The following ZNF783 variants were observed in gnomAD, a reference collection of about 807,000 sequenced individuals.
ZNF783 encodes zinc finger protein 783, also known as protein ZNF783.
Under a neutral mutation model 31.3 loss-of-function variants are expected in ZNF783, and 25 were observed. The observed-to-expected ratio is 0.80, with a 90% CI of 0.58 to 1.11. The LOEUF (loss-of-function observed/expected upper bound fraction) is 1.11, where lower values mean the gene tolerates loss of function less well. ZNF783 is among the 50% of genes most tolerant of loss of function. The pLI is 0.00. For missense variants in ZNF783, 797 were observed against 760.0 expected, an observed-to-expected ratio of 1.05 and a Z score of -0.57; for synonymous variants, 369 against 319.1, an observed-to-expected ratio of 1.16 and a Z score of -1.66.
intron 5 of ZNF783, among the ~76,000 whole-genome samples, 175 bp from the exon 6 acceptor site, chr7:149,281,330 C>A (rs949905225): frequency 2.0e-5 from 3 of 152,342 alleles, no homozygotes; most frequent in African/African-American, 7.2e-5. Flanking sequence ...GACTGAGTGA[C>A]CGTGCAAGGC....
In ZNF783 at chr7:149,282,177, G is replaced by A. The variant is rs377559200; in HGVS notation, c.1475G>A (p.Arg492Gln). ...FRHQRIHTGE[R>Q]PYQCPQCGRT... is the part of the protein sequence containing the mutation. ...CACCAGCGCATCCACACCGGTGAGC[G>A]GCCCTACCAGTGCCCCCAGTGTGGC... The change falls in exon 6 of 6, where the codon CGG becomes CAG. Residue 492 changes from arginine to glutamine, a missense_variant. Physicochemically the swap from Arg to Gln is conservative, Grantham distance 43. Transcript: ENST00000434415. 3 of 1,600,990 alleles carry A rather than the reference G, an allele frequency of 1.9e-6. No homozygotes were observed. The highest frequency in any genetic ancestry group is 1.3e-5 in the African/African-American group (1 of 75,036).
chr7:149,265,813 G>A (rs993102717), intron 1 of ZNF783, among the ~76,000 whole-genome samples: 22 of 152,170 alleles, frequency 1.4e-4, no homozygotes, highest in African/African-American at 5.1e-4. Context: ...TATTGTATAG[G>A]TACTATTATT....
chr7:149,280,546 CT>C (rs1797442124), intron 5 of ZNF783, among the ~76,000 whole-genome samples: 1 of 152,194 alleles, frequency 6.6e-6, no homozygotes, highest in African/African-American at 2.4e-5. Flanking sequence ...CCTTCCTGGT[CT>C]TTCCCCATCG....
chr7:149,272,108 C>T (rs375939298), intron 4 of ZNF783, among the ~76,000 whole-genome samples: 1 of 152,102 alleles, frequency 6.6e-6, no homozygotes, highest in Admixed American at 6.6e-5. Flanking sequence ...ATCCCTGACT[C>T]CTGGGTTCAA....
At chr7:149,270,753 C>G (rs964346653) in intron 4 of ZNF783, among the ~76,000 whole-genome samples, 6 of 152,098 alleles carry the variant, frequency 3.9e-5, no homozygotes, top group African/African-American at 1.4e-4. Flanking sequence ...GCTTCCTGCT[C>G]CAGACCTGGA....
Position 149,282,597 on chromosome 7 carries a change from T to A in ZNF783, c.*254T>A. 2.2e-6 allele frequency: 1 copy of A among 457,094 alleles called. No homozygotes were observed. Among genetic ancestry groups the A allele is most frequent in the East Asian group, 3.6e-5 (1 of 27,454 alleles). 28.3% of individuals were successfully genotyped at this position (457,094 alleles called of 1,614,324 possible). ...GGGATGCCATATTTTTGATAAGGCC[T>A]CTGGTAGGTACCACAGCCAAGAGGA... On this transcript the variant is annotated 3_prime_UTR_variant, in exon 6 of 6. Transcript: ENST00000434415.
At chr7:149,274,862 G>T (rs1351937508) in intron 4 of ZNF783, among the ~76,000 whole-genome samples, 2 of 152,104 alleles carry the variant, frequency 1.3e-5, no homozygotes, top group Non-Finnish European at 2.9e-5. Flanking sequence ...TTTTGCTTAG[G>T]ATGCCTTTGG....
Position 149,281,634 on chromosome 7 carries a change from GC to G in ZNF783, c.936del (p.Ser313AlafsTer48). On this transcript the variant is annotated frameshift_variant, in exon 6 of 6. Coordinates refer to ENST00000434415, the MANE Select transcript of ZNF783 (RefSeq NM_001195220.2). LOFTEE classifies it low-confidence loss of function (END_TRUNC). ...CGAGGGCCCAGGAACAGGCCTGGGG[GC>G]CCCAGCCGTCATCAGGCCCAGGGCA... ...IPRGPRNRPGGPSRHQAQGMP... is the reference protein window; with the variant it reads ...IPRGPRNRPGXPSRHQAQGMP... The G allele has an allele frequency of 2.6e-6, 4 of 1,543,726 alleles. No homozygotes were observed. Among genetic ancestry groups the G allele is most frequent in the Admixed American group, 2.0e-5 (1 of 50,076 alleles).
rs978579530 is a variant in ZNF783, at chr7:149,284,149, G to C, written c.*1806G>C. ...ACGCTGTCTGTAGAGCAGCCTTGGT[G>C]TGGGTGACTCTGAAGCTGGAGTGAT... On this transcript the variant is annotated 3_prime_UTR_variant, in exon 6 of 6. Transcript: ENST00000434415. 9.2e-5 allele frequency: 14 copies of C among 152,240 alleles called. No individual in the cohort carries two copies. Among genetic ancestry groups the C allele is most frequent in the Admixed American group, 8.5e-4 (13 of 15,278 alleles). The allele number at this position is 152,240 out of a possible 1,614,324, so 9.4% of individuals were successfully genotyped here.
Position 149,262,230 on chromosome 7 carries a change from C to G in ZNF783, c.-104C>G. On this transcript the variant is annotated 5_prime_UTR_variant, in exon 1 of 6. Coordinates refer to ENST00000434415, the MANE Select transcript of ZNF783 (RefSeq NM_001195220.2). ...TTCGCTGCCGCCCGGCAGTAGCTCT[C>G]AGGTTAGGCGGGTCCCGCTCCGCTT... The G allele has an allele frequency of 9.2e-7, 1 of 1,090,562 alleles. No homozygotes were observed. Among genetic ancestry groups the G allele is most frequent in the Non-Finnish European group, 1.2e-6 (1 of 845,292 alleles). The allele number at this position is 1,090,562 out of a possible 1,614,324, so 67.6% of individuals were successfully genotyped here.
intron 5 of ZNF783, among the ~76,000 whole-genome samples, chr7:149,280,927 G>A (rs1797452992): frequency 6.6e-6 from 1 of 152,222 alleles, no homozygotes; most frequent in African/African-American, 2.4e-5. Context: ...ACCCAGGCAG[G>A]AATCTCAGGT....
chr7:149,267,480 C>G, intron 4 of ZNF783, among the ~76,000 whole-genome samples: 1 of 152,210 alleles, frequency 6.6e-6, no homozygotes, highest in East Asian at 1.9e-4. Context: ...AAGTGTTAAG[C>G]ATGTACATAC....
At chr7:149,273,668 C>T (rs747175643) in intron 4 of ZNF783, among the ~76,000 whole-genome samples, 94 of 152,072 alleles carry the variant, frequency 6.2e-4, no homozygotes, top group Non-Finnish European at 1.1e-3. Context: ...CTCAGCCTCC[C>T]AAGTAGCTGG....
At chr7:149,267,481 A>G (rs1457829312) in intron 4 of ZNF783, among the ~76,000 whole-genome samples, 2 of 152,214 alleles carry the variant, frequency 1.3e-5, no homozygotes, top group Non-Finnish European at 2.9e-5. Context: ...AGTGTTAAGC[A>G]TGTACATACT....
intron 1 of ZNF783, 86 bp from the exon 2 acceptor site, chr7:149,266,249 G>A (rs1272903810): frequency 2.1e-6 from 3 of 1,416,094 alleles, no homozygotes; most frequent in Non-Finnish European, 2.8e-6. Context: ...TACCATGGCA[G>A]GTGTCATTTC....
chr7:149,278,599 T>TCACCAA, intron 5 of ZNF783, 72 bp downstream of exon 5: 1 of 1,585,330 alleles, frequency 6.3e-7, no homozygotes, highest in Non-Finnish European at 8.5e-7. Flanking sequence ...GCGATGGTGC[T>TCACCAA]GAGGAAAAGC....
At chr7:149,267,689 C>T (rs940580255) in intron 4 of ZNF783, among the ~76,000 whole-genome samples, 4 of 151,844 alleles carry the variant, frequency 2.6e-5, no homozygotes, top group Non-Finnish European at 4.4e-5. Flanking sequence ...CCCAGCTACT[C>T]GGGAGGCTGA....
intron 5 of ZNF783, 89 bp downstream of exon 5, chr7:149,278,616 A>G: frequency 1.3e-6 from 2 of 1,564,156 alleles, no homozygotes; most frequent in Non-Finnish European, 1.7e-6. Context: ...AAGCCCTGGA[A>G]GCATGGGGCT....
At chr7:149,271,924 G>A (rs1486566751) in intron 4 of ZNF783, among the ~76,000 whole-genome samples, 2 of 152,204 alleles carry the variant, frequency 1.3e-5, no homozygotes, top group African/African-American at 2.4e-5. Flanking sequence ...TGGACATTTA[G>A]GGTATTTCCA....
Sources: allele counts gnomAD v4.1 joint callset (sites outside exome capture counted in the v4.1 genomes callset), GRCh38; gene constraint gnomAD v4.1.1; transcripts MANE v1.5; gene names NCBI Gene and HGNC (gene_info 2026-07-23, HGNC 2026-07-21).